The following CCSER1 variants were observed in gnomAD, a reference collection of about 807,000 sequenced individuals.
CCSER1 encodes coiled-coil serine rich protein 1, also known as serine-rich coiled-coil domain-containing protein 1.
A neutral mutation model predicts 82.0 loss-of-function variants in CCSER1; 41 were observed. That is an observed-to-expected ratio of 0.50 (90% confidence interval 0.39 to 0.65). The LOEUF (loss-of-function observed/expected upper bound fraction) is 0.65, where lower values mean the gene tolerates loss of function less well. Among genes scored for constraint, CCSER1 ranks in the 30% least tolerant of loss-of-function variants. The pLI is 0.00. For synonymous variants in CCSER1, 414 were observed against 383.9 expected, an observed-to-expected ratio of 1.08 and a Z score of -0.92; for missense variants, 1,119 against 1,064.2, an observed-to-expected ratio of 1.05 and a Z score of -0.72.
chr4:90,584,474 G>T (rs562095287), intron 5 of CCSER1, among the ~76,000 whole-genome samples: 1 of 152,292 alleles, frequency 6.6e-6, no homozygotes, highest in South Asian at 2.1e-4. Flanking sequence ...AGAAACTCCA[G>T]AAGAGAAGCC....
At chr4:91,169,014 G>C (rs112580679) in intron 10 of CCSER1, among the ~76,000 whole-genome samples, 5,982 of 151,982 alleles carry the variant, frequency 0.039, 359 homozygotes, top group African/African-American at 0.13. Flanking sequence ...CTCCTTAAGA[G>C]TCATCACCAC....
chr4:90,995,633 A>G (rs1009547412), intron 9 of CCSER1, among the ~76,000 whole-genome samples: 2 of 152,128 alleles, frequency 1.3e-5, no homozygotes, highest in Non-Finnish European at 2.9e-5. Context: ...TTATTACAAA[A>G]TTTTTTAAAG....
chr4:91,515,699 T>G (rs1760069961), intron 10 of CCSER1, among the ~76,000 whole-genome samples: 1 of 152,118 alleles, frequency 6.6e-6, no homozygotes, highest in South Asian at 2.1e-4. Flanking sequence ...AATGATGATA[T>G]TCTTTTGGAT....
At chr4:90,238,462 C>T (rs1243626503) in intron 1 of CCSER1, among the ~76,000 whole-genome samples, 1 of 152,114 alleles carries the variant, frequency 6.6e-6, no homozygotes, top group Non-Finnish European at 1.5e-5. Flanking sequence ...AACAAGCTTG[C>T]CAAATAAAAT....
chr4:90,313,008 G>A lies in CCSER1; in HGVS notation c.1470G>A (p.Lys490=), dbSNP rs1444738771. The A allele has an allele frequency of 6.2e-7, 1 of 1,604,980 alleles. No individual in the cohort carries two copies. The highest frequency in any genetic ancestry group is 1.7e-5 in the Admixed American group (1 of 58,946). ...TAGAAGAAGTTAATAGTTTAAGAAA[G>A]CAAAGAGCAGGTTCTTCATCTTCAA... ...GNIEEVNSLR[K]QRAGSSSSKM... The change falls in exon 3 of 11, where the codon AAG becomes AAA. Residue 490 remains lysine (K), a synonymous_variant. Coordinates refer to ENST00000509176, the MANE Select transcript of CCSER1 (RefSeq NM_001145065.2).
chr4:90,143,266 G>A (rs190129661), intron 1 of CCSER1, among the ~76,000 whole-genome samples: 1 of 151,972 alleles, frequency 6.6e-6, no homozygotes, highest in African/African-American at 2.4e-5. Flanking sequence ...TTCTTCTCAA[G>A]CTTCATCTCT....
intron 10 of CCSER1, among the ~76,000 whole-genome samples, chr4:91,437,408 G>A (rs1031904251): frequency 3.9e-5 from 6 of 152,152 alleles, no homozygotes; most frequent in African/African-American, 9.7e-5. Context: ...TTGCAGCTAC[G>A]TAATTATAGA....
intron 3 of CCSER1, among the ~76,000 whole-genome samples, chr4:90,330,089 G>A (rs1739006639): frequency 6.6e-6 from 1 of 152,084 alleles, no homozygotes; most frequent in South Asian, 2.1e-4. Flanking sequence ...ATATTTAGTA[G>A]TAATGGTCAT....
chr4:90,149,620 G>C (rs532771017), intron 1 of CCSER1, among the ~76,000 whole-genome samples: 1 of 152,050 alleles, frequency 6.6e-6, no homozygotes, highest in Non-Finnish European at 1.5e-5. Flanking sequence ...ATAAACTTAC[G>C]AATATCTTTG....
chr4:90,916,457 C>T (rs62312312), intron 8 of CCSER1, among the ~76,000 whole-genome samples: 19 of 152,022 alleles, frequency 1.2e-4, no homozygotes, highest in African/African-American at 4.6e-4. Flanking sequence ...AACTGGCTCG[C>T]CATATGGAGA....
intron 10 of CCSER1, among the ~76,000 whole-genome samples, chr4:91,264,296 ATAAAT>A (rs1383558344): frequency 6.6e-6 from 1 of 151,782 alleles, no homozygotes; most frequent in Non-Finnish European, 1.5e-5. Context: ...TAATGGGAAA[ATAAAT>A]AGTTGCTTGC....
intron 4 of CCSER1, among the ~76,000 whole-genome samples, chr4:90,444,869 A>C (rs1306006250): frequency 3.3e-5 from 5 of 152,086 alleles, no homozygotes; most frequent in South Asian, 4.1e-4. Flanking sequence ...CATGTCCCTT[A>C]AAGTCTCATT....
chr4:90,273,431 T>G (rs1726963234), intron 1 of CCSER1, among the ~76,000 whole-genome samples: 1 of 152,140 alleles, frequency 6.6e-6, no homozygotes, highest in Non-Finnish European at 1.5e-5. Flanking sequence ...CTGATGTAAT[T>G]ATTATACATT....
intron 7 of CCSER1, among the ~76,000 whole-genome samples, chr4:90,797,571 A>C (rs1756212898): frequency 6.6e-6 from 1 of 152,102 alleles, no homozygotes; most frequent in Non-Finnish European, 1.5e-5. Context: ...TCATAGTGTC[A>C]CTGATCTGTA....
chr4:91,597,027 C>T (rs1364831665), intron 10 of CCSER1, among the ~76,000 whole-genome samples: 1 of 152,046 alleles, frequency 6.6e-6, no homozygotes, highest in Non-Finnish European at 1.5e-5. Context: ...CAATAATAAT[C>T]ATTTTGAGGC....
intron 3 of CCSER1, among the ~76,000 whole-genome samples, chr4:90,361,173 G>A (rs1745309253): frequency 1.3e-5 from 2 of 152,090 alleles, no homozygotes; most frequent in African/African-American, 2.4e-5. Context: ...AAACATATAC[G>A]ATGGTTTCTA....
chr4:91,305,164 A>T (rs571461538), intron 10 of CCSER1, among the ~76,000 whole-genome samples: 1 of 152,034 alleles, frequency 6.6e-6, no homozygotes, highest in Non-Finnish European at 1.5e-5. Flanking sequence ...CTTCTTTTCA[A>T]GTTATTAGAT....
At chr4:90,230,587 C>A (rs1744286483) in intron 1 of CCSER1, among the ~76,000 whole-genome samples, 2 of 151,568 alleles carry the variant, frequency 1.3e-5, no homozygotes, top group Admixed American at 1.3e-4. Context: ...CAAACACATT[C>A]AAAAGCTAGC....
rs148768459 is a variant in CCSER1 at position 91,515,203 on chromosome 4, T to A, written c.2218-83369T>A. Among the ~76,000 whole-genome samples the A allele has an allele frequency of 2.7e-3, 408 of 152,306 alleles. 1 individual carries two copies. Among genetic ancestry groups the A allele is most frequent in the African/African-American group, 9.4e-3 (389 of 41,568 alleles). On this transcript the variant is annotated intron_variant, in intron 10 of 10. Coordinates refer to ENST00000509176, the MANE Select transcript of CCSER1 (RefSeq NM_001145065.2). ...ACATATAGTTGGATTTTGCTTTTTT[T>A]TCTTGTAACTTTTATCTTAGGCTCA...
Sources: allele counts gnomAD v4.1 joint callset (sites outside exome capture counted in the v4.1 genomes callset), GRCh38; gene constraint gnomAD v4.1.1; transcripts MANE v1.5; gene names NCBI Gene and HGNC (gene_info 2026-07-23, HGNC 2026-07-21).